SLC34A2: variants seen among roughly 807,000 people sequenced by gnomAD.
The protein encoded by SLC34A2 is sodium-dependent phosphate transport protein 2B.
In SLC34A2, 41 loss-of-function variants were observed where a neutral mutation model predicts 50.8. The observed-to-expected ratio is 0.81, with a 90% confidence interval of 0.63 to 1.05. The LOEUF (loss-of-function observed/expected upper bound fraction) is 1.05. Ranked by LOEUF, SLC34A2 falls within the 50% of genes least tolerant of loss-of-function variation. SLC34A2 has a pLI of 0.00. For synonymous variants in SLC34A2, 401 were observed against 364.2 expected (o/e 1.10, Z -1.15); for missense variants, 879 against 876.7 (o/e 1.00, Z -0.03).
At chr4:25,674,179 T>A (rs895144574) in intron 10 of SLC34A2, 117 bp from the exon 11 acceptor site, 12 of 749,404 alleles carry the variant, frequency 1.6e-5, no homozygotes, top group Non-Finnish European at 2.7e-5. Context: ...TACTCTGTAA[T>A]CTGAGACCAT....
chr4:25,663,175 C>T (rs576442995), intron 3 of SLC34A2, among the ~76,000 whole-genome samples: 27 of 152,134 alleles, frequency 1.8e-4, no homozygotes, highest in African/African-American at 6.3e-4. Context: ...AGGCTGGTCT[C>T]GAACTCCTGA....
At chr4:25,668,051 G>GT in intron 6 of SLC34A2, 60 bp downstream of exon 6, 5 of 1,092,084 alleles carry the variant, frequency 4.6e-6, no homozygotes, top group Non-Finnish European at 7.0e-6. Flanking sequence ...CCACGCTGTT[G>GT]TAACTGCTTT....
chr4:25,674,461 T>A (rs1367551166), intron 11 of SLC34A2, 44 bp from the exon 12 acceptor site: 1 of 1,614,108 alleles, frequency 6.2e-7, no homozygotes, highest in African/African-American at 1.3e-5. Context: ...CCATTTCCTG[T>A]CATCCCATGG....
rs115500754 is a variant in SLC34A2, at chr4:25,676,333, C to G, written c.1657C>G (p.Arg553Gly). The change falls in exon 13 of 13, where the codon CGG becomes GGG. Residue 553 changes from arginine to glycine, a missense_variant. Arg to Gly is a moderately radical substitution (Grantham distance 125). Transcript: ENST00000382051. ...TVFGLSLAGW[R>G]VLVGVGVPVV... Reference sequence around the variant, plus strand: ...GTTTGGCCTCTCGCTGGCCGGCTGGCGGGTGCTGGTTGGTGTCGGGGTTCC... The same window carrying G: ...GTTTGGCCTCTCGCTGGCCGGCTGGGGGGTGCTGGTTGGTGTCGGGGTTCC... The G allele has an allele frequency of 4.5e-5, 73 of 1,614,054 alleles. No individual in the cohort carries two copies. Among genetic ancestry groups the G allele is most frequent in the South Asian group, 1.1e-4 (10 of 91,076 alleles).
rs1192213829 is a variant in SLC34A2, at chr4:25,676,921, A to G, written c.*172A>G. ...CCCTTTGGCTTGGTGGTAGGCCTGC[A>G]GGGCACTTTTATTCCAACCCCTGGT... On this transcript the variant is annotated 3_prime_UTR_variant, in exon 13 of 13. Coordinates refer to ENST00000382051, the MANE Select transcript of SLC34A2 (RefSeq NM_006424.3). The G allele has an allele frequency of 2.4e-6, 2 of 830,072 alleles. No individual in the cohort carries two copies. Among genetic ancestry groups the G allele is most frequent in the East Asian group, 5.4e-5 (2 of 36,960 alleles). 51.4% of individuals were successfully genotyped at this position (830,072 alleles called of 1,614,324 possible).
chr4:25,662,576 C>A lies in SLC34A2; in HGVS notation c.76C>A (p.Pro26Thr), dbSNP rs771029639. ...KYLEGAAGQQPTAPDKSKETN... is the reference protein window; with the variant it reads ...KYLEGAAGQQTTAPDKSKETN... ...CCTCGAAGGGGCCGCAGGTCAGCAG[C>A]CCACTGCCCCTGATAAAAGCAAAGA... is the stretch of plus-strand genomic sequence containing the variant. The change falls in exon 2 of 13, where the codon CCC becomes ACC. Residue 26 changes from proline (P) to threonine (T), a missense_variant. Pro to Thr is a conservative substitution (Grantham distance 38). Coordinates refer to ENST00000382051, the MANE Select transcript of SLC34A2 (RefSeq NM_006424.3). 1.2e-6 allele frequency: 2 copies of A among 1,613,992 alleles called. No individual in the cohort carries two copies. Among genetic ancestry groups the A allele is most frequent in the African/African-American group, 2.7e-5 (2 of 74,906 alleles).
chr4:25,675,257 T>C (rs1394938551), intron 12 of SLC34A2, among the ~76,000 whole-genome samples: 3 of 152,190 alleles, frequency 2.0e-5, no homozygotes, highest in Non-Finnish European at 2.9e-5. Flanking sequence ...GGTCTTGAAC[T>C]CTGGACCTCA....
intron 3 of SLC34A2, among the ~76,000 whole-genome samples, 158 bp from the exon 4 acceptor site, chr4:25,664,044 A>C (rs1051089754): frequency 5.3e-5 from 8 of 152,130 alleles, no homozygotes; most frequent in Non-Finnish European, 1.2e-4. Flanking sequence ...GCTGCTTCCC[A>C]TCTGTAAGGC....
intron 7 of SLC34A2, 135 bp downstream of exon 7, chr4:25,669,977 C>T: frequency 1.2e-6 from 1 of 855,826 alleles, no homozygotes; most frequent in South Asian, 1.4e-5. Context: ...TTTCCCAGCA[C>T]TTTGGGAGGC....
chr4:25,671,248 G>A (rs1714799041), intron 8 of SLC34A2, among the ~76,000 whole-genome samples: 1 of 152,134 alleles, frequency 6.6e-6, no homozygotes, highest in Non-Finnish European at 1.5e-5. Context: ...CGGGCCCAGA[G>A]CATTCATGCC....
chr4:25,656,202 G>A (rs1301632989), intron 1 of SLC34A2, among the ~76,000 whole-genome samples: 2 of 152,196 alleles, frequency 1.3e-5, no homozygotes, highest in Non-Finnish European at 2.9e-5. Context: ...CCAGGGGATA[G>A]AAATCTCCAC....
intron 1 of SLC34A2, 93 bp from the exon 2 acceptor site, chr4:25,662,405 T>C (rs1260597399): frequency 4.3e-6 from 5 of 1,160,570 alleles, no homozygotes; most frequent in African/African-American, 3.0e-5. Flanking sequence ...CCCCACCCAG[T>C]TGATGCTTTG....
intron 10 of SLC34A2, 111 bp from the exon 11 acceptor site, chr4:25,674,185 A>ACC (rs1403492412): frequency 4.5e-5 from 34 of 759,170 alleles, no homozygotes; most frequent in Non-Finnish European, 7.6e-5. Flanking sequence ...GTAATCTGAG[A>ACC]CCATATATGG....
intron 12 of SLC34A2, among the ~76,000 whole-genome samples, chr4:25,675,833 C>T (rs1463467837): frequency 6.6e-6 from 1 of 152,232 alleles, no homozygotes; most frequent in Non-Finnish European, 1.5e-5. Flanking sequence ...CTTCCATCTC[C>T]CACCTGTGGG....
At position 25,676,546 on chromosome 4, in the gene SLC34A2, G is replaced by C. The variant is rs372833249; in HGVS notation, c.1870G>C (p.Val624Leu). 2 of 1,612,960 alleles carry C rather than the reference G, an allele frequency of 1.2e-6. No individual in the cohort carries two copies. The highest frequency in any genetic ancestry group is 3.3e-5 in the Admixed American group (2 of 60,006). The stretch of plus-strand genomic sequence containing the variant: ...GATGCGCTGCTGCTGCTGCTGCCGC[G>C]TGTGCTGCCGCGCGTGCTGCTTGCT... Reference protein sequence around the residue: ...FQMRCCCCCRVCCRACCLLCD... With the variant: ...FQMRCCCCCRLCCRACCLLCD... The change falls in exon 13 of 13, where the codon GTG (valine) becomes CTG (leucine). Residue 624 changes from valine to leucine, a missense_variant. Coordinates refer to ENST00000382051, the MANE Select transcript of SLC34A2 (RefSeq NM_006424.3).
intron 4 of SLC34A2, 99 bp from the exon 5 acceptor site, chr4:25,666,029 C>A: frequency 6.7e-7 from 1 of 1,497,026 alleles, no homozygotes; most frequent in Non-Finnish European, 9.2e-7. Flanking sequence ...CAACCCACAG[C>A]CAGCTGGCCT....
At chr4:25,666,454 C>T (rs376388140) in intron 5 of SLC34A2, among the ~76,000 whole-genome samples, 183 bp downstream of exon 5, 3 of 152,180 alleles carry the variant, frequency 2.0e-5, no homozygotes, top group Non-Finnish European at 2.9e-5. Context: ...GTTTCCATTT[C>T]GATGGCAGGA....
chr4:25,662,627 T>C lies in SLC34A2; in HGVS notation c.112+15T>C. On this transcript the variant is annotated intron_variant, in intron 2 of 12. Coordinates refer to ENST00000382051, the MANE Select transcript of SLC34A2 (RefSeq NM_006424.3). Reference sequence around the variant, plus strand: ...GACCAACAAAAGTAAGTGTCGCTCGTTTGTCTGCAGATCGGCCTTTGTGAG... The same window carrying C: ...GACCAACAAAAGTAAGTGTCGCTCGCTTGTCTGCAGATCGGCCTTTGTGAG... 4 of 1,614,060 alleles carry C rather than the reference T, an allele frequency of 2.5e-6. No homozygotes were observed. The highest frequency in any genetic ancestry group is 2.5e-6 in the Non-Finnish European group (3 of 1,179,998).
In SLC34A2 at chr4:25,674,637, C is replaced by G. The variant is rs1415737430; in HGVS notation, c.1458+8C>G. The G allele has an allele frequency of 6.2e-7, 1 of 1,614,162 alleles. No individual in the cohort carries two copies. Among genetic ancestry groups the G allele is most frequent in the Admixed American group, 1.7e-5 (1 of 60,026 alleles). ...TTGAGGAGTTCACTCCAGGTCAGGA[C>G]TTGGGGCACGGGGACAGGGGCCCTG... On this transcript the variant is annotated splice_region_variant and intron_variant, in intron 12 of 12. Transcript: ENST00000382051.
Sources: gnomAD v4.1 joint callset for allele counts (sites outside exome capture counted in the v4.1 genomes callset) on GRCh38, gnomAD v4.1.1 for gene constraint, MANE v1.5 for transcripts, NCBI Gene and HGNC (gene_info 2026-07-23, HGNC 2026-07-21) for gene names.